MTMR10: variants seen among roughly 807,000 people sequenced by gnomAD.
The protein encoded by MTMR10 is myotubularin-related protein 10.
Under a neutral mutation model 88.1 loss-of-function variants are expected in MTMR10, and 56 were observed. That is an observed-to-expected ratio of 0.64 (90% CI 0.51 to 0.79). The LOEUF (loss-of-function observed/expected upper bound fraction) is 0.79, where lower values mean the gene tolerates loss of function less well. Ranked by LOEUF, MTMR10 falls within the 30% of genes least tolerant of loss-of-function variation. MTMR10 has a pLI of 0.00. For missense variants in MTMR10, 883 were observed against 924.7 expected, an observed-to-expected ratio of 0.95 and a Z score of 0.58; for synonymous variants, 380 against 340.9, an observed-to-expected ratio of 1.11 and a Z score of -1.26.
At position 30,941,302 on chromosome 15, in the gene MTMR10, A is replaced by G. The variant is rs750951368; in HGVS notation, c.*168T>C. On this transcript the variant is annotated 3_prime_UTR_variant, in exon 16 of 16. Transcript: ENST00000435680. ...GAACAAAATTTACATCTCTCTTAAA[A>G]TAAGTGTGAAAGAAGCATGATTCAA... 5.3e-6 allele frequency: 8 copies of G among 1,521,424 alleles called. No individual in the cohort carries two copies. The highest frequency in any genetic ancestry group is 1.4e-5 in the African/African-American group (1 of 72,736). 94.2% of individuals were successfully genotyped at this position (1,521,424 alleles called of 1,614,324 possible).
chr15:30,937,226 A>G, downstream of MTMR10: 1 of 1,614,132 alleles, frequency 6.2e-7, no homozygotes, highest in Non-Finnish European at 8.5e-7. Context: ...ATGTGGTTGC[A>G]GTTGGAGCTA....
intron 11 of MTMR10, among the ~76,000 whole-genome samples, chr15:30,953,047 C>T (rs1371431158): frequency 2.6e-5 from 4 of 152,016 alleles, no homozygotes; most frequent in African/African-American, 9.7e-5. Context: ...GCCTTGGCCT[C>T]CCAAAGTGCT....
chr15:30,940,970 T>G lies in MTMR10; in HGVS notation c.*500A>C. The stretch of plus-strand genomic sequence containing the variant: ...AAGAAGGTGATCTAAAATCATAAAT[T>G]CTGGCCCCAGAACACTGAACCTTCA... On this transcript the variant is annotated 3_prime_UTR_variant, in exon 16 of 16. Coordinates refer to ENST00000435680, the MANE Select transcript of MTMR10 (RefSeq NM_017762.3). 9.1e-7 allele frequency: 1 copy of G among 1,099,750 alleles called. No homozygotes were observed. Among genetic ancestry groups the G allele is most frequent in the Non-Finnish European group, 1.1e-6 (1 of 896,232 alleles). 68.1% of individuals were successfully genotyped at this position (1,099,750 alleles called of 1,614,324 possible).
At chr15:30,988,218 G>A (rs2031078164) in intron 2 of MTMR10, among the ~76,000 whole-genome samples, 2 of 152,154 alleles carry the variant, frequency 1.3e-5, no homozygotes, top group South Asian at 4.1e-4. Flanking sequence ...CAGCCAGACA[G>A]AACACAGCCA....
intron 5 of MTMR10, among the ~76,000 whole-genome samples, chr15:30,968,708 T>G (rs530551073): frequency 2.0e-5 from 3 of 152,286 alleles, no homozygotes; most frequent in Admixed American, 2.0e-4. Context: ...ATGTGTGAAG[T>G]CATTTCCTCT....
intron 1 of MTMR10, 94 bp from the exon 2 acceptor site, chr15:30,990,931 C>G: frequency 1.9e-6 from 2 of 1,035,682 alleles, no homozygotes; most frequent in Non-Finnish European, 2.8e-6. Flanking sequence ...ATGACACATG[C>G]GAAAGACACA....
intron 2 of MTMR10, among the ~76,000 whole-genome samples, chr15:30,977,455 G>C (rs975427271): frequency 9.9e-5 from 15 of 152,272 alleles, no homozygotes; most frequent in African/African-American, 3.1e-4. Flanking sequence ...TCTGCACTCA[G>C]ATTATAACTT....
chr15:30,925,871 C>T, the MTMR10 span: 1 of 1,614,238 alleles, frequency 6.2e-7, no homozygotes, highest in South Asian at 1.1e-5. Context: ...GCCGCTGACC[C>T]CACCACGGTC....
the MTMR10 span, among the ~76,000 whole-genome samples, chr15:30,932,631 T>C: frequency 6.6e-6 from 1 of 152,154 alleles, no homozygotes; most frequent in Non-Finnish European, 1.5e-5. Context: ...TTCTTCTTGA[T>C]TGCGCTTTGC....
intron 5 of MTMR10, 101 bp downstream of exon 5, chr15:30,974,212 TA>T: frequency 8.9e-7 from 1 of 1,127,918 alleles, no homozygotes; most frequent in Middle Eastern, 2.2e-4. Flanking sequence ...TAACTTCCCC[TA>T]AAAAACATCT....
At chr15:30,942,305 A>T in intron 15 of MTMR10, 1 of 585,626 alleles carries the variant, frequency 1.7e-6, no homozygotes, top group Non-Finnish European at 3.0e-6. Flanking sequence ...GGGCGGGATG[A>T]GAGTACCTCC....
intron 6 of MTMR10, among the ~76,000 whole-genome samples, chr15:30,965,576 A>C (rs994578166): frequency 6.6e-6 from 1 of 152,212 alleles, no homozygotes; most frequent in African/African-American, 2.4e-5. Context: ...GGTTTCTTTA[A>C]AGTTAAAAGA....
the MTMR10 span, chr15:30,925,905 A>T: frequency 6.2e-7 from 1 of 1,614,230 alleles, no homozygotes; most frequent in Non-Finnish European, 8.5e-7. Flanking sequence ...AGGAGCTGGC[A>T]CTGGCCCATT....
chr15:30,929,612 TATA>T, the MTMR10 span, among the ~76,000 whole-genome samples: 1 of 129,952 alleles, frequency 7.7e-6, no homozygotes, highest in Non-Finnish European at 1.5e-5. Context: ...ATATTACATA[TATA>T]ATATATATTA....
intron 14 of MTMR10, chr15:30,946,170 C>G (rs750942859): frequency 6.6e-6 from 1 of 152,276 alleles, no homozygotes; most frequent in Non-Finnish European, 1.5e-5. Flanking sequence ...TAATTAAGTT[C>G]TCCCTCCTGC....
At chr15:30,954,569 A>G (rs988236037) in intron 10 of MTMR10, among the ~76,000 whole-genome samples, 194 bp downstream of exon 10, 2 of 152,202 alleles carry the variant, frequency 1.3e-5, no homozygotes, top group African/African-American at 4.8e-5. Flanking sequence ...CCCCTCTAAA[A>G]CAAAAAGTAG....
At chr15:30,964,842 T>G (rs1241599861) in intron 6 of MTMR10, among the ~76,000 whole-genome samples, 2 of 151,804 alleles carry the variant, frequency 1.3e-5, no homozygotes, top group Non-Finnish European at 3.0e-5. Flanking sequence ...AGTCTAATCC[T>G]ATACTGTTGG....
chr15:30,954,257 T>TA lies in MTMR10; in HGVS notation c.1066+505dup, dbSNP rs2063290350. 2.6e-5 allele frequency among the ~76,000 whole-genome samples: 4 copies of TA among 152,348 alleles called. No individual in the cohort carries two copies. The South Asian group carries it at 8.3e-4, about 32-fold the overall frequency. Reference sequence around the variant, plus strand: ...TGCCTTTGCTGACTCCCTGGTGACTTAGAGGATCTCTTGAGGAGGACCCAC... The same window carrying TA: ...TGCCTTTGCTGACTCCCTGGTGACTTAAGAGGATCTCTTGAGGAGGACCCAC... On this transcript the variant is annotated intron_variant, in intron 10 of 15. Coordinates refer to ENST00000435680, the MANE Select transcript of MTMR10 (RefSeq NM_017762.3).
chr15:30,948,591 A>G (rs2063203050), intron 12 of MTMR10, 120 bp from the exon 13 acceptor site: 2 of 1,000,740 alleles, frequency 2.0e-6, no homozygotes, highest in Non-Finnish European at 2.9e-6. Flanking sequence ...CCAAATCTGT[A>G]TAAGGAAATT....
Sources: gnomAD v4.1 joint callset for allele counts (sites outside exome capture counted in the v4.1 genomes callset) on GRCh38, gnomAD v4.1.1 for gene constraint, MANE v1.5 for transcripts, NCBI Gene and HGNC (gene_info 2026-07-23, HGNC 2026-07-21) for gene names.